Variants in PTPRN2 observed in about 807,000 individuals in gnomAD.
PTPRN2 encodes the protein protein tyrosine phosphatase receptor type N2, also known as receptor-type tyrosine-protein phosphatase N2.
Under a neutral mutation model 118.8 loss-of-function variants are expected in PTPRN2, and 74 were observed. The ratio of observed to expected loss-of-function variants is 0.62; its 90% CI spans 0.52 to 0.76. The LOEUF (loss-of-function observed/expected upper bound fraction) is 0.76. Ranked by LOEUF, PTPRN2 falls within the 30% of genes least tolerant of loss-of-function variation. The pLI is 0.00. For missense variants in PTPRN2, 1,481 were observed against 1,394.4 expected (o/e 1.06, Z -0.99); for synonymous variants, 641 against 608.0 (o/e 1.05, Z -0.80).
intron 11 of PTPRN2, among the ~76,000 whole-genome samples, chr7:158,005,812 G>A (rs895279631): frequency 1.5e-4 from 23 of 152,212 alleles, no homozygotes; most frequent in African/African-American, 3.9e-4. Context: ...CACATCTTAC[G>A]TGGATGCTGT....
chr7:157,699,263 A>G (rs1263715171), intron 12 of PTPRN2, among the ~76,000 whole-genome samples: 1 of 152,234 alleles, frequency 6.6e-6, no homozygotes, highest in Non-Finnish European at 1.5e-5. Context: ...ATTAAATGAA[A>G]GAACAGCAAC....
intron 14 of PTPRN2, among the ~76,000 whole-genome samples, chr7:157,631,159 TC>T (rs1803916209): frequency 6.6e-6 from 1 of 152,168 alleles, no homozygotes; most frequent in African/African-American, 2.4e-5. Flanking sequence ...CCATTTCCAT[TC>T]TTTGCCTTGT....
chr7:157,669,447 G>T (rs1796301433), intron 13 of PTPRN2: 1 of 457,728 alleles, frequency 2.2e-6, no homozygotes, highest in South Asian at 1.5e-5. Flanking sequence ...ACACCCAGGG[G>T]AGGATGCCCC....
At chr7:158,336,757 C>T (rs1394025149) in intron 2 of PTPRN2, among the ~76,000 whole-genome samples, 1,348 of 86,774 alleles carry the variant, frequency 0.016, 30 homozygotes, top group South Asian at 0.037. Context: ...CTCACACCCA[C>T]AGTCTCACCA....
rs1305024271 is a variant in PTPRN2, at chr7:158,134,064, CAGAG to C, written c.1174-9_1174-6del. 1 of 1,609,790 alleles carries C rather than the reference CAGAG, an allele frequency of 6.2e-7. No homozygotes were observed. Among genetic ancestry groups the C allele is most frequent in the Non-Finnish European group, 8.5e-7 (1 of 1,177,616 alleles). On this transcript the variant is annotated splice_polypyrimidine_tract_variant and splice_region_variant and intron_variant, in intron 8 of 22. Coordinates refer to ENST00000389418, the MANE Select transcript of PTPRN2 (RefSeq NM_002847.5). ...TGTGGCACTCAGACGATGGACCTGACAGAGAGGACATTCCGTGAGGGACGTCTGC... is the reference window on the plus strand; with the variant it reads ...TGTGGCACTCAGACGATGGACCTGACAGGACATTCCGTGAGGGACGTCTGC...
chr7:157,837,459 G>A (rs1481952024), intron 12 of PTPRN2, among the ~76,000 whole-genome samples: 1 of 151,400 alleles, frequency 6.6e-6, no homozygotes, highest in East Asian at 1.9e-4. Flanking sequence ...GGAGGGGGGA[G>A]GCTGTTTTGA....
Position 157,929,319 on chromosome 7 carries a change from G to T in PTPRN2, c.1724-30582C>A, listed in dbSNP as rs943721049. Among the ~76,000 whole-genome samples, 5 of 151,852 alleles carry T rather than the reference G, an allele frequency of 3.3e-5. No homozygotes were observed. Among genetic ancestry groups the T allele is most frequent in the African/African-American group, 1.2e-4 (5 of 41,398 alleles). ...ACTACCTTCAGCAACCCTGCCTTAC[G>T]GTGGGGATGCTGGACAGGCATTCAG... is the stretch of plus-strand genomic sequence containing the variant. On this transcript the variant is annotated intron_variant, in intron 11 of 22. Transcript: ENST00000389418. The surrounding 1 kb of genome is among the most constrained non-coding windows in gnomAD (Gnocchi z 4.4).
intron 10 of PTPRN2, among the ~76,000 whole-genome samples, chr7:158,094,286 A>C (rs1814441628): frequency 6.6e-6 from 1 of 151,934 alleles, no homozygotes; most frequent in African/African-American, 2.4e-5. Flanking sequence ...GACCAGGGCC[A>C]CCCCATCTGT....
At chr7:158,071,366 C>G (rs1172303304) in intron 11 of PTPRN2, among the ~76,000 whole-genome samples, 4 of 50,258 alleles carry the variant, frequency 8.0e-5, no homozygotes, top group African/African-American at 3.4e-4. Context: ...TGGAGGTGCT[C>G]ATGGTGGTGG....
intron 3 of PTPRN2, among the ~76,000 whole-genome samples, chr7:158,259,863 G>A (rs895468186): frequency 1.3e-5 from 2 of 149,050 alleles, no homozygotes; most frequent in Non-Finnish European, 3.0e-5. Flanking sequence ...TGTCCCTGGT[G>A]TACATGTATG....
intron 2 of PTPRN2, among the ~76,000 whole-genome samples, chr7:158,333,965 C>A (rs1206755193): frequency 4.4e-5 from 2 of 45,172 alleles, no homozygotes; most frequent in African/African-American, 1.6e-4. Context: ...TCACTCACAC[C>A]CACAATCTCA....
chr7:158,442,314 G>C (rs576484850), intron 2 of PTPRN2, among the ~76,000 whole-genome samples: 3 of 152,254 alleles, frequency 2.0e-5, no homozygotes, highest in African/African-American at 7.2e-5. Flanking sequence ...AAGAAGCTGA[G>C]CCTGAGAACC....
intron 10 of PTPRN2, among the ~76,000 whole-genome samples, chr7:158,109,677 T>G (rs1472226036): frequency 6.7e-6 from 1 of 149,186 alleles, no homozygotes; most frequent in Admixed American, 6.6e-5. Flanking sequence ...GCTCAGTGAG[T>G]GATGTCACCC....
chr7:158,120,543 T>C (rs1817078406), intron 9 of PTPRN2, among the ~76,000 whole-genome samples: 1 of 152,200 alleles, frequency 6.6e-6, no homozygotes, highest in African/African-American at 2.4e-5. Flanking sequence ...AAAGCTCCTT[T>C]CTGCTCCCTG....
rs567973511 is a variant in PTPRN2 at position 158,363,336 on chromosome 7, G to A, written c.164-46404C>T. On this transcript the variant is annotated intron_variant, in intron 2 of 22. Transcript: ENST00000389418. ...CCTGAGAAGCTATGGGAGGATGCTCGGTTGCTTGGGGAGGCCGCCTCCTCC... is the reference window on the plus strand; with the variant it reads ...CCTGAGAAGCTATGGGAGGATGCTCAGTTGCTTGGGGAGGCCGCCTCCTCC... Among the ~76,000 whole-genome samples, 5 of 152,208 alleles carry A rather than the reference G, an allele frequency of 3.3e-5. No homozygotes were observed. In the East Asian group the frequency reaches 5.8e-4, roughly 18 times the overall value.
In PTPRN2 at chr7:157,937,188, G is replaced by A. The variant is rs145797327; in HGVS notation, c.1724-38451C>T. ...GCACCTGGAACTTGCCGTGAGCATG[G>A]CTGTGGTGGGTCCTTAGCCCGAGTG... On this transcript the variant is annotated intron_variant, in intron 11 of 22. Transcript: ENST00000389418. Among the ~76,000 whole-genome samples the A allele has an allele frequency of 3.3e-3, 504 of 152,330 alleles. 3 individuals carry two copies. Among genetic ancestry groups the A allele is most frequent in the Non-Finnish European group, 5.5e-3 (371 of 68,034 alleles).
intron 1 of PTPRN2, among the ~76,000 whole-genome samples, chr7:158,523,681 AGTCGTCTGCCCTGGAGTGGAGTC>A (rs1563393287): frequency 9.5e-5 from 13 of 137,520 alleles, no homozygotes; most frequent in African/African-American, 3.1e-4. Context: ...CCTGGAGCGG[AGTCGTCTGCCCTGGAGTGGAGTC>A]GTCTGCCCTG....
At chr7:158,178,601 T>TC (rs1824426209) in intron 5 of PTPRN2, among the ~76,000 whole-genome samples, 1 of 140,806 alleles carries the variant, frequency 7.1e-6, no homozygotes, top group Middle Eastern at 3.2e-3. Flanking sequence ...TTTTTTTTTT[T>TC]TTTTTTTTTT....
intron 13 of PTPRN2, among the ~76,000 whole-genome samples, chr7:157,657,714 A>C (rs1383550215): frequency 5.8e-5 from 7 of 121,362 alleles, no homozygotes; most frequent in East Asian, 2.8e-4. Context: ...CATACACCCC[A>C]CACACACACC....
Sources: allele counts gnomAD v4.1 joint callset (sites outside exome capture counted in the v4.1 genomes callset), GRCh38; gene constraint gnomAD v4.1.1; non-coding constraint Gnocchi (gnomAD v3.1); transcripts MANE v1.5; gene names NCBI Gene and HGNC (gene_info 2026-07-23, HGNC 2026-07-21).